PRDM15: variants seen among roughly 807,000 people sequenced by gnomAD.
PRDM15 encodes the protein PR domain zinc finger protein 15.
PRDM15 carries 64 observed loss-of-function variants against 128.6 expected under a neutral mutation model. The observed-to-expected ratio is 0.50, with a 90% CI of 0.41 to 0.61. The LOEUF is 0.61. Ranked by LOEUF, PRDM15 falls within the 20% of genes least tolerant of loss-of-function variation. PRDM15 has a pLI of 0.00. For synonymous variants in PRDM15, 615 were observed against 621.8 expected (o/e 0.99, Z 0.16); for missense variants, 1,242 against 1,569.1 (o/e 0.79, Z 3.52).
At chr21:41,830,759 C>T (rs1055719857) in intron 11 of PRDM15, among the ~76,000 whole-genome samples, 1 of 152,176 alleles carries the variant, frequency 6.6e-6, no homozygotes, top group African/African-American at 2.4e-5. Flanking sequence ...CCAGAAACAC[C>T]TATATCCCTG....
intron 11 of PRDM15, among the ~76,000 whole-genome samples, chr21:41,831,661 G>A (rs1376621219): frequency 6.6e-6 from 1 of 152,214 alleles, no homozygotes; most frequent in Non-Finnish European, 1.5e-5. Flanking sequence ...GCGAAGACAG[G>A]AGACAGCAGT....
At chr21:41,849,894 C>T (rs1409244002) in intron 5 of PRDM15, among the ~76,000 whole-genome samples, 4 of 152,136 alleles carry the variant, frequency 2.6e-5, no homozygotes, top group Non-Finnish European at 5.9e-5. Context: ...TGAGATTGGG[C>T]CACCACATTC....
chr21:41,861,621 G>A, intron 1 of PRDM15: 1 of 1,613,988 alleles, frequency 6.2e-7, no homozygotes, highest in Non-Finnish European at 8.5e-7. Context: ...GTTTAGGAAA[G>A]TGTGCATGCT....
intron 23 of PRDM15, 64 bp downstream of exon 23, chr21:41,802,648 G>A (rs979883136): frequency 1.6e-5 from 21 of 1,332,806 alleles, no homozygotes; most frequent in East Asian, 4.6e-5. Flanking sequence ...TCACACACAC[G>A]TAAGGCTCTC....
intron 1 of PRDM15, among the ~76,000 whole-genome samples, chr21:41,869,272 T>C (rs950334635): frequency 4.6e-5 from 7 of 152,032 alleles, no homozygotes; most frequent in African/African-American, 1.4e-4. Context: ...CCAAAGACTT[T>C]CTCCTACGTT....
At position 41,821,036 on chromosome 21, in the gene PRDM15, C is replaced by T. The variant is rs752809557; in HGVS notation, c.2060+31G>A. ...AGGAAGCATGTCCCCTCTCTCCTGA[C>T]ACAACCCGGGAGCCCCCGACCAGGC... On this transcript the variant is annotated intron_variant, in intron 16 of 23. Transcript: ENST00000398548. This position sits in a 1 kb window ranked among gnomAD's most constrained non-coding sequence, Gnocchi z 5.4. The T allele has an allele frequency of 1.2e-6, 2 of 1,613,970 alleles. No individual in the cohort carries two copies. The highest frequency in any genetic ancestry group is 2.2e-5 in the South Asian group (2 of 91,068).
intron 17 of PRDM15, 168 bp downstream of exon 17, chr21:41,819,927 G>C: frequency 2.6e-6 from 2 of 774,132 alleles, no homozygotes; most frequent in Non-Finnish European, 4.2e-6. Context: ...GCGCTGGGCT[G>C]TGAGTGGCAG....
intron 6 of PRDM15, among the ~76,000 whole-genome samples, chr21:41,845,462 G>C (rs994766654): frequency 6.6e-6 from 1 of 151,546 alleles, no homozygotes; most frequent in South Asian, 2.1e-4. Flanking sequence ...AGAGGCTGCC[G>C]CAGAAGGCAG....
chr21:41,871,889 C>A (rs1176766241), intron 1 of PRDM15: 3 of 326,402 alleles, frequency 9.2e-6, no homozygotes, highest in Non-Finnish European at 1.7e-5. Flanking sequence ...CGGCCTCCAC[C>A]TGCGCACACC....
At position 41,861,991 on chromosome 21, in the gene PRDM15, C is replaced by A. The variant is rs1208037437; in HGVS notation, c.-9-1619G>T. The A allele has an allele frequency of 4.3e-6, 7 of 1,612,862 alleles. No homozygotes were observed. In the African/African-American group the frequency reaches 9.3e-5, roughly 22 times the overall value. On this transcript the variant is annotated intron_variant, in intron 1 of 23. Coordinates refer to ENST00000398548, the MANE Select transcript of PRDM15 (RefSeq NM_001040424.3). Reference sequence around the variant, plus strand: ...ACTCAGTTTCATAGCCGCATTCGGCCTTGCCTGCCCCAGTTCCTGTGGATG... The same window carrying A: ...ACTCAGTTTCATAGCCGCATTCGGCATTGCCTGCCCCAGTTCCTGTGGATG...
At chr21:41,861,368 C>T (rs918129297) in intron 1 of PRDM15, among the ~76,000 whole-genome samples, 2 of 152,154 alleles carry the variant, frequency 1.3e-5, no homozygotes. Flanking sequence ...TAAACTGACA[C>T]CCCCCACACA....
At chr21:41,813,733 A>AT (rs1338756998) in intron 19 of PRDM15, 1 of 152,618 alleles carries the variant, frequency 6.6e-6, no homozygotes, top group Non-Finnish European at 1.5e-5. Flanking sequence ...TTAGTGTTTT[A>AT]TAACAATGCT....
chr21:41,836,064 G>T, intron 10 of PRDM15, 49 bp downstream of exon 10: 1 of 1,287,292 alleles, frequency 7.8e-7, no homozygotes, highest in Non-Finnish European at 1.1e-6. Context: ...TCAGTTGTCT[G>T]TGTTGTCCAC....
chr21:41,836,093 C>G lies in PRDM15; in HGVS notation c.1278+20G>C. Reference sequence around the variant, plus strand: ...TGTCCACACAACTGGGAAGAGAACCCTGGGCTTGTTTCCACCCACCTCGTT... The same window carrying G: ...TGTCCACACAACTGGGAAGAGAACCGTGGGCTTGTTTCCACCCACCTCGTT... On this transcript the variant is annotated intron_variant, in intron 10 of 23. Coordinates refer to ENST00000398548, the MANE Select transcript of PRDM15 (RefSeq NM_001040424.3). 6.3e-7 allele frequency: 1 copy of G among 1,585,406 alleles called. No individual in the cohort carries two copies. The highest frequency in any genetic ancestry group is 8.7e-7 in the Non-Finnish European group (1 of 1,154,218).
chr21:41,810,122 G>T lies in PRDM15; in HGVS notation c.2652+32C>A. ...GGTGTCCGGTGCGCGGCCCGCTGGC[G>T]GGGCACGGAGGGGGCACAGCCACCA... On this transcript the variant is annotated intron_variant, in intron 21 of 23. Coordinates refer to ENST00000398548, the MANE Select transcript of PRDM15 (RefSeq NM_001040424.3). This position sits in a 1 kb window ranked among gnomAD's most constrained non-coding sequence, Gnocchi z 6.4. 2 of 1,584,478 alleles carry T rather than the reference G, an allele frequency of 1.3e-6. No homozygotes were observed. Among genetic ancestry groups the T allele is most frequent in the South Asian group, 1.1e-5 (1 of 90,006 alleles).
At chr21:41,860,394 T>G in intron 1 of PRDM15, 22 bp from the exon 2 acceptor site, 1 of 1,609,008 alleles carries the variant, frequency 6.2e-7, no homozygotes. Context: ...CAAGAGAGCC[T>G]CATTAATGAC....
In PRDM15 at chr21:41,854,158, C is replaced by G. The variant is rs972818522; in HGVS notation, c.538+408G>C. ...ACTGACCATGTGTTACAGTTGCCCA[C>G]AGCATGCAGTACAGTCACATGCTGG... On this transcript the variant is annotated intron_variant, in intron 5 of 23. Coordinates refer to ENST00000398548, the MANE Select transcript of PRDM15 (RefSeq NM_001040424.3). The surrounding 1 kb of genome is among the most constrained non-coding windows in gnomAD (Gnocchi z 4.6). 6.6e-6 allele frequency among the ~76,000 whole-genome samples: 1 copy of G among 152,160 alleles called. No individual in the cohort carries two copies. The highest frequency in any genetic ancestry group is 1.5e-5 in the Non-Finnish European group (1 of 68,024).
chr21:41,840,809 G>A (rs1002033537), intron 6 of PRDM15, among the ~76,000 whole-genome samples: 1 of 151,706 alleles, frequency 6.6e-6, no homozygotes, highest in African/African-American at 2.4e-5. Context: ...AAAAGCAAGG[G>A]CATGCTGAAT....
intron 11 of PRDM15, among the ~76,000 whole-genome samples, chr21:41,830,729 A>G (rs2062658520): frequency 6.6e-6 from 1 of 152,120 alleles, no homozygotes; most frequent in South Asian, 2.1e-4. Context: ...ACACACAGCC[A>G]CACACAGTCC....
Sources: allele counts gnomAD v4.1 joint callset (sites outside exome capture counted in the v4.1 genomes callset), GRCh38; gene constraint gnomAD v4.1.1; non-coding constraint Gnocchi (gnomAD v3.1); transcripts MANE v1.5; gene names NCBI Gene and HGNC (gene_info 2026-07-23, HGNC 2026-07-21).